Variants in GRAP2 observed in about 807,000 individuals in gnomAD.
GRAP2 encodes the protein GRB2-related adapter protein 2.
Under a neutral mutation model 43.5 loss-of-function variants are expected in GRAP2, and 31 were observed. The observed-to-expected ratio is 0.71, with a 90% CI of 0.54 to 0.96. The LOEUF (loss-of-function observed/expected upper bound fraction) is 0.96. Ranked by LOEUF, GRAP2 falls within the 40% of genes least tolerant of loss-of-function variation. GRAP2 has a pLI of 0.00. For synonymous variants in GRAP2, 156 were observed against 164.8 expected (o/e 0.95, Z 0.41); for missense variants, 371 against 424.4 (o/e 0.87, Z 1.11).
At chr22:39,913,122 G>C (rs2066579039) in intron 1 of GRAP2, among the ~76,000 whole-genome samples, 1 of 151,202 alleles carries the variant, frequency 6.6e-6, no homozygotes, top group South Asian at 2.1e-4. Flanking sequence ...ATACCTAGGA[G>C]CTGGAGGTTG....
At chr22:39,905,133 G>A (rs943968619) in intron 1 of GRAP2, among the ~76,000 whole-genome samples, 6 of 152,070 alleles carry the variant, frequency 3.9e-5, no homozygotes, top group Non-Finnish European at 5.9e-5. Context: ...TGCAATTAGC[G>A]AGTACTCTCA....
At chr22:39,927,247 C>G (rs2066713128) in intron 1 of GRAP2, among the ~76,000 whole-genome samples, 1 of 152,140 alleles carries the variant, frequency 6.6e-6, no homozygotes, top group African/African-American at 2.4e-5. Context: ...CTGACTGGAC[C>G]TCCCATCCTC....
At chr22:39,947,229 A>G (rs775102173) in intron 2 of GRAP2, 45 bp downstream of exon 2, 7 of 880,386 alleles carry the variant, frequency 8.0e-6, no homozygotes, top group South Asian at 5.2e-5. Flanking sequence ...AGTTTCAGTT[A>G]CTCAGTAATC....
At chr22:39,935,630 G>A (rs2066799105) in intron 1 of GRAP2, among the ~76,000 whole-genome samples, 1 of 152,042 alleles carries the variant, frequency 6.6e-6, no homozygotes, top group African/African-American at 2.4e-5. Context: ...ACTTTTCTGG[G>A]ATAGACTTAT....
Position 39,966,138 on chromosome 22 carries a change from G to C in GRAP2, c.439G>C (p.Asp147His), listed in dbSNP as rs769173032. ...CAGACAGAAGCAGATCTTCCTTAGAGACAGAACCCGAGAAGACCAGGTATG... is the reference window on the plus strand; with the variant it reads ...CAGACAGAAGCAGATCTTCCTTAGACACAGAACCCGAGAAGACCAGGTATG... Reference protein sequence around the residue: ...ISRQKQIFLRDRTREDQGHRG... With the variant: ...ISRQKQIFLRHRTREDQGHRG... Residue 147 changes from aspartate (D) to histidine (H), a missense_variant, in exon 5 of 8, where the codon GAC (aspartate) becomes CAC (histidine). By Grantham distance (81) the Asp-to-His change is moderately conservative. Transcript: ENST00000344138. The C allele has an allele frequency of 5.0e-6, 8 of 1,614,046 alleles. No individual in the cohort carries two copies. The highest frequency in any genetic ancestry group is 6.8e-6 in the Non-Finnish European group (8 of 1,179,962).
chr22:39,956,133 T>C (rs563072277), intron 3 of GRAP2, among the ~76,000 whole-genome samples: 8 of 152,184 alleles, frequency 5.3e-5, no homozygotes, highest in African/African-American at 1.9e-4. Flanking sequence ...TGTGCATGTA[T>C]TGCTATTTTA....
chr22:39,920,231 A>G (rs766790425), intron 1 of GRAP2, among the ~76,000 whole-genome samples: 13 of 152,336 alleles, frequency 8.5e-5, no homozygotes, highest in South Asian at 2.1e-4. Context: ...GCTAGGGGAC[A>G]CACACTGTCC....
intron 1 of GRAP2, among the ~76,000 whole-genome samples, chr22:39,910,440 G>A (rs950992454): frequency 1.1e-4 from 17 of 150,686 alleles, no homozygotes; most frequent in South Asian, 2.1e-4. Flanking sequence ...ACCAAGTCTC[G>A]CTCTGTCGCC....
chr22:39,894,287 AATC>A, the GRAP2 span, among the ~76,000 whole-genome samples: 1 of 151,732 alleles, frequency 6.6e-6, no homozygotes, highest in Admixed American at 6.6e-5. Context: ...TGAAATTGGA[AATC>A]ATCATTCTCA....
In GRAP2 at chr22:39,967,556, C is replaced by T. The variant is rs147760333; in HGVS notation, c.460-486C>T. ...ACTTCTTCCCCCACGTCCAGCCCGG[C>T]GGCAGGCCTGGTTCCCATGGTGTTG... On this transcript the variant is annotated intron_variant, in intron 5 of 7. Transcript: ENST00000344138. Among the ~76,000 whole-genome samples the T allele has an allele frequency of 3.0e-3, 459 of 152,284 alleles. 3 individuals are homozygous for T. Among genetic ancestry groups the T allele is most frequent in the Non-Finnish European group, 4.3e-3 (293 of 68,026 alleles).
At chr22:39,911,367 C>G (rs1158226401) in intron 1 of GRAP2, among the ~76,000 whole-genome samples, 1 of 151,804 alleles carries the variant, frequency 6.6e-6, no homozygotes, top group East Asian at 1.9e-4. Context: ...TTTAAAATGA[C>G]TCTCTTCCCT....
At chr22:39,965,567 G>A (rs755501507) in intron 4 of GRAP2, among the ~76,000 whole-genome samples, 6 of 151,976 alleles carry the variant, frequency 3.9e-5, no homozygotes, top group African/African-American at 9.7e-5. Flanking sequence ...GCTAGCTTAT[G>A]GGCTTAAAGG....
At chr22:39,912,386 C>G (rs1356627271) in intron 1 of GRAP2, among the ~76,000 whole-genome samples, 1 of 152,198 alleles carries the variant, frequency 6.6e-6, no homozygotes, top group Non-Finnish European at 1.5e-5. Context: ...ATACTGTACT[C>G]CATCCAGCCT....
In GRAP2 at chr22:39,973,474, C is replaced by G. The variant is rs1184773930; in HGVS notation, c.*2390C>G. 1 of 152,198 alleles carries G rather than the reference C, an allele frequency of 6.6e-6. No homozygotes were observed. Among genetic ancestry groups the G allele is most frequent in the African/African-American group, 2.4e-5 (1 of 41,452 alleles). The allele number at this position is 152,198 out of a possible 1,614,324, so 9.4% of individuals were successfully genotyped here. A position where few individuals can be genotyped will look rare whatever the true frequency, so the allele number is the denominator to read the frequency against. ...CGGTATGAGCAGAGCTTTCAGAACC[C>G]CTGGAGCTCGGTGTTCTGTTGTAGC... is the stretch of plus-strand genomic sequence containing the variant. On this transcript the variant is annotated 3_prime_UTR_variant, in exon 8 of 8. Coordinates refer to ENST00000344138, the MANE Select transcript of GRAP2 (RefSeq NM_004810.4).
rs1217363736 is a variant in GRAP2, at chr22:39,960,156, A to T, written c.272A>T (p.Asp91Val). 3 of 1,613,540 alleles carry T rather than the reference A, an allele frequency of 1.9e-6. No individual in the cohort carries two copies. Among genetic ancestry groups the T allele is most frequent in the Non-Finnish European group, 2.5e-6 (3 of 1,179,626 alleles). The change falls in exon 4 of 8, where the codon GAC becomes GTC. Residue 91 changes from aspartate (D) to valine (V), a missense_variant. Coordinates refer to ENST00000344138, the MANE Select transcript of GRAP2 (RefSeq NM_004810.4). ...IIRASQSSPG[D>V]FSISVRHEDD... ...CGGGCCAGCCAGAGCTCCCCAGGGG[A>T]CTTCTCCATCTCTGTCAGGTACTGA...
chr22:39,928,719 G>A (rs927524468), intron 1 of GRAP2, among the ~76,000 whole-genome samples: 4 of 152,198 alleles, frequency 2.6e-5, no homozygotes, highest in African/African-American at 9.7e-5. Context: ...CCGAACATGA[G>A]TTCTAAAGTT....
intron 1 of GRAP2, among the ~76,000 whole-genome samples, chr22:39,910,244 C>T (rs1227051034): frequency 1.3e-5 from 2 of 151,980 alleles, no homozygotes; most frequent in Admixed American, 1.3e-4. Flanking sequence ...GGGGTAGTTG[C>T]CTCCCTTGAT....
rs2067167682 is a variant in GRAP2 at position 39,965,914 on chromosome 22, T to C, written c.291-76T>C. The C allele has an allele frequency of 6.7e-6, 8 of 1,197,270 alleles. No individual in the cohort carries two copies. The South Asian group carries it at 9.7e-5, about 15-fold the overall frequency. The allele number at this position is 1,197,270 out of a possible 1,614,324, so 74.2% of individuals were successfully genotyped here. ...CTCCTGCTCAAAGAGAACTCCACCA[T>C]CCCAGATGTGAGCAGCCTGGAGGTG... is the stretch of plus-strand genomic sequence containing the variant. On this transcript the variant is annotated intron_variant, in intron 4 of 7. Coordinates refer to ENST00000344138, the MANE Select transcript of GRAP2 (RefSeq NM_004810.4).
At position 39,968,211 on chromosome 22, in the gene GRAP2, C is replaced by T. The variant is rs1348805658; in HGVS notation, c.629C>T (p.Ala210Val). ...CCACAGCCTCCGCAATATGCCCCAGCGCCCCAGCAGCTGCAGCAGCCCCCA... is the reference window on the plus strand; with the variant it reads ...CCACAGCCTCCGCAATATGCCCCAGTGCCCCAGCAGCTGCAGCAGCCCCCA... ...HQPQPPQYAP[A>V]PQQLQQPPQQ... The change falls in exon 6 of 8, where the codon GCG becomes GTG. Residue 210 changes from alanine to valine, a missense_variant. Ala to Val is a moderately conservative substitution (Grantham distance 64, BLOSUM62 0). Transcript: ENST00000344138. 13 of 1,605,418 alleles carry T rather than the reference C, an allele frequency of 8.1e-6. No individual in the cohort carries two copies. The highest frequency in any genetic ancestry group is 1.1e-5 in the South Asian group (1 of 90,844).
Sources: allele counts gnomAD v4.1 joint callset (sites outside exome capture counted in the v4.1 genomes callset), GRCh38; gene constraint gnomAD v4.1.1; transcripts MANE v1.5; gene names NCBI Gene and HGNC (gene_info 2026-07-23, HGNC 2026-07-21).